RERE: variants seen among roughly 807,000 people sequenced by gnomAD.
RERE encodes the protein arginine-glutamic acid dipeptide repeats.
In RERE, 40 loss-of-function variants were observed where a neutral mutation model predicts 146.1. The ratio of observed to expected loss-of-function variants is 0.27; its 90% CI spans 0.21 to 0.36. RERE has a LOEUF of 0.36. RERE is among the 10% of genes least tolerant of loss of function. The probability of loss-of-function intolerance (pLI) is 1.00; values close to 1 mark genes in which losing one functional copy is unlikely to be tolerated. For synonymous variants in RERE, 1,003 were observed against 866.0 expected, an observed-to-expected ratio of 1.16 and a Z score of -2.78; for missense variants, 1,933 against 2,138.7, an observed-to-expected ratio of 0.90 and a Z score of 1.90.
At chr1:8,355,791 C>T (rs1641266889) in intron 21 of RERE, among the ~76,000 whole-genome samples, 192 bp from the exon 22 acceptor site, 1 of 152,094 alleles carries the variant, frequency 6.6e-6, no homozygotes, top group Non-Finnish European at 1.5e-5. Flanking sequence ...CCTTGGGTGC[C>T]TCTGCCTGGA....
intron 1 of RERE, chr1:8,786,225 A>G (rs1435775720): frequency 1.1e-6 from 1 of 920,898 alleles, no homozygotes; most frequent in Non-Finnish European, 1.7e-6. Context: ...AAGCCTGTGG[A>G]TCTGGTCCTC....
chr1:8,370,145 G>C (rs1294449498), intron 12 of RERE, among the ~76,000 whole-genome samples: 1 of 152,012 alleles, frequency 6.6e-6, no homozygotes, highest in Non-Finnish European at 1.5e-5. Flanking sequence ...ACAAGCAGGA[G>C]AATGGATAAA....
chr1:8,684,543 A>G lies in RERE; in HGVS notation c.-144-28102T>C, dbSNP rs182029771. ...CACAGGAAAAGGGGGCTTAAAACCA[A>G]CATATTTCAACTAGAGATTTAAAAA... is the stretch of plus-strand genomic sequence containing the variant. On this transcript the variant is annotated intron_variant, in intron 1 of 22. Transcript: ENST00000400908. Among the ~76,000 whole-genome samples the G allele has an allele frequency of 1.1e-3, 161 of 152,368 alleles. 1 individual carries two copies. Among genetic ancestry groups the G allele is most frequent in the African/African-American group, 1.8e-3 (74 of 41,592 alleles).
chr1:8,401,236 G>C (rs931670033), intron 12 of RERE, among the ~76,000 whole-genome samples: 21 of 149,792 alleles, frequency 1.4e-4, no homozygotes, highest in African/African-American at 5.0e-4. Flanking sequence ...GTTATATTAC[G>C]TAGCAAACTG....
intron 10 of RERE, among the ~76,000 whole-genome samples, chr1:8,487,540 T>C (rs1310476113): frequency 3.3e-5 from 5 of 152,162 alleles, no homozygotes; most frequent in African/African-American, 1.2e-4. Context: ...ATTGCTACAC[T>C]GCACTCCAGC....
At chr1:8,528,373 G>A (rs1361775762) in intron 7 of RERE, among the ~76,000 whole-genome samples, 1 of 152,082 alleles carries the variant, frequency 6.6e-6, no homozygotes, top group Non-Finnish European at 1.5e-5. Flanking sequence ...GAAAAAACTG[G>A]CAAAATCTGA....
intron 1 of RERE, among the ~76,000 whole-genome samples, chr1:8,764,597 A>G (rs1220158253): frequency 6.6e-6 from 1 of 152,194 alleles, no homozygotes; most frequent in Non-Finnish European, 1.5e-5. Flanking sequence ...GGCTCCCTGA[A>G]GAAAATTACC....
chr1:8,812,045 G>T (rs941924828), intron 1 of RERE, among the ~76,000 whole-genome samples: 29 of 152,154 alleles, frequency 1.9e-4, no homozygotes, highest in African/African-American at 6.5e-4. Context: ...GGCCTGGCTC[G>T]TACGGCTTAA....
intron 2 of RERE, among the ~76,000 whole-genome samples, chr1:8,653,200 T>C (rs1647718704): frequency 1.3e-5 from 2 of 152,180 alleles, no homozygotes; most frequent in South Asian, 2.1e-4. Flanking sequence ...TCCACACATA[T>C]TTGACTACTA....
At chr1:8,747,147 GCC>G (rs2124511282) in intron 1 of RERE, among the ~76,000 whole-genome samples, 2 of 151,890 alleles carry the variant, frequency 1.3e-5, no homozygotes, top group African/African-American at 4.8e-5. Flanking sequence ...GACTACAGGG[GCC>G]CACCACCACA....
At chr1:8,694,620 G>A (rs188772150) in intron 1 of RERE, among the ~76,000 whole-genome samples, 52 of 152,096 alleles carry the variant, frequency 3.4e-4, no homozygotes, top group African/African-American at 9.9e-4. Context: ...TTAGCCGGGC[G>A]TGGTGGCACA....
At chr1:8,610,320 G>A (rs1646777208) in intron 4 of RERE, among the ~76,000 whole-genome samples, 5 of 152,136 alleles carry the variant, frequency 3.3e-5, no homozygotes, top group Admixed American at 2.0e-4. Flanking sequence ...GCCGGGCACA[G>A]TGGCTCACGC....
At chr1:8,805,071 C>T (rs1292666730) in intron 1 of RERE, among the ~76,000 whole-genome samples, 17 of 129,444 alleles carry the variant, frequency 1.3e-4, no homozygotes, top group African/African-American at 4.5e-4. Context: ...AGTGCAGTGG[C>T]GTGATTTCGG....
chr1:8,664,489 A>G (rs1446625396), intron 1 of RERE, among the ~76,000 whole-genome samples: 1 of 152,202 alleles, frequency 6.6e-6, no homozygotes. Context: ...GACACATGTG[A>G]AAACTGTTCA....
chr1:8,429,606 C>A (rs990356616), intron 11 of RERE, among the ~76,000 whole-genome samples: 11 of 152,184 alleles, frequency 7.2e-5, no homozygotes, highest in African/African-American at 2.4e-4. Flanking sequence ...TAACCCCTGG[C>A]TGAGAGCTTT....
At chr1:8,534,153 T>C (rs1645693500) in intron 7 of RERE, among the ~76,000 whole-genome samples, 1 of 152,232 alleles carries the variant, frequency 6.6e-6, no homozygotes, top group Non-Finnish European at 1.5e-5. Flanking sequence ...AAGTAAATTT[T>C]AGAATGTCTC....
At chr1:8,579,998 C>T (rs986500798) in intron 4 of RERE, among the ~76,000 whole-genome samples, 3 of 152,064 alleles carry the variant, frequency 2.0e-5, no homozygotes, top group African/African-American at 7.2e-5. Flanking sequence ...AGCAAGACTC[C>T]ATCTCAAAAA....
At chr1:8,499,581 T>G (rs1043098490) in intron 8 of RERE, among the ~76,000 whole-genome samples, 1 of 152,200 alleles carries the variant, frequency 6.6e-6, no homozygotes, top group Non-Finnish European at 1.5e-5. Context: ...GTTTTAAATG[T>G]TGGTATTCAA....
chr1:8,789,211 G>A (rs1245327590), intron 1 of RERE, among the ~76,000 whole-genome samples: 2 of 145,518 alleles, frequency 1.4e-5, no homozygotes, highest in Non-Finnish European at 3.0e-5. Context: ...TGGGGAAGCC[G>A]ATGGGGGAGG....
Sources: allele counts gnomAD v4.1 joint callset (sites outside exome capture counted in the v4.1 genomes callset), GRCh38; gene constraint gnomAD v4.1.1; transcripts MANE v1.5; gene names NCBI Gene and HGNC (gene_info 2026-07-23, HGNC 2026-07-21).